Variants in DMD observed in about 807,000 individuals in gnomAD.
DMD encodes the protein dystrophin, also known as mutant dystrophin.
Under a neutral mutation model 330.1 loss-of-function variants are expected in DMD, and 63 were observed. That is an observed-to-expected ratio of 0.19 (90% CI 0.16 to 0.24). The LOEUF is 0.24. DMD is among the 10% of genes least tolerant of loss of function. The pLI is 1.00. For missense variants in DMD, 3,344 were observed against 2,684.1 expected (o/e 1.25, Z -5.43); for synonymous variants, 1,223 against 959.8 (o/e 1.27, Z -5.07).
At chrX:31,981,634 G>A (rs1326052221) in intron 44 of DMD, among the ~76,000 whole-genome samples, 4 of 111,595 alleles carry the variant, frequency 3.6e-5, no homozygotes, top group Non-Finnish European at 7.5e-5. Context: ...GGGGCAGAAG[G>A]GAGAAGGTTA....
intron 57 of DMD, among the ~76,000 whole-genome samples, chrX:31,483,730 T>C (rs1046866371): frequency 8.9e-6 from 1 of 112,357 alleles, no homozygotes; most frequent in African/African-American, 3.2e-5. Context: ...AAGATTCAGA[T>C]TAAATACAAA....
At chrX:31,592,735 T>G (rs1469933584) in intron 55 of DMD, among the ~76,000 whole-genome samples, 3 of 110,749 alleles carry the variant, frequency 2.7e-5, no homozygotes, top group Non-Finnish European at 5.7e-5. Context: ...CTCATTACTA[T>G]ATGTTGACCC....
At chrX:33,238,726 T>C (rs2052530805) in intron 1 of DMD, among the ~76,000 whole-genome samples, 1 of 111,639 alleles carries the variant, frequency 9.0e-6, no homozygotes, top group Admixed American at 9.5e-5. Context: ...GATTTTAAAG[T>C]CCTGTGACGT....
At chrX:33,214,115 C>T (rs1214830387), upstream of DMD, among the ~76,000 whole-genome samples, 1 of 106,588 alleles carries the variant, frequency 9.4e-6, no homozygotes, top group Non-Finnish European at 1.9e-5. Context: ...AGCTTATTTC[C>T]TTTTATTGCT....
chrX:32,732,407 G>A (rs1016419584), intron 7 of DMD, among the ~76,000 whole-genome samples: 1 of 110,475 alleles, frequency 9.1e-6, no homozygotes, highest in Admixed American at 9.7e-5. Flanking sequence ...AGGAAATACA[G>A]AGAATGCCAC....
chrX:31,367,049 C>G (rs1205881930), intron 60 of DMD, among the ~76,000 whole-genome samples: 3 of 111,237 alleles, frequency 2.7e-5, no homozygotes, highest in African/African-American at 9.8e-5. Flanking sequence ...TTACTAGAAT[C>G]CAATCCCAAA....
chrX:32,242,877 T>A (rs1007133802), intron 43 of DMD, among the ~76,000 whole-genome samples: 1 of 108,762 alleles, frequency 9.2e-6, no homozygotes, highest in African/African-American at 3.3e-5. Context: ...TATTGTTAGT[T>A]TTTTTGTGGT....
chrX:31,680,714 T>G (rs1205426817), intron 52 of DMD, among the ~76,000 whole-genome samples: 2 of 111,108 alleles, frequency 1.8e-5, no homozygotes, highest in Non-Finnish European at 3.8e-5. Context: ...TCACGCTGGG[T>G]GCATTTTGTA....
In DMD at chrX:32,484,993, T is replaced by A. The variant is rs1469818959; in HGVS notation, c.2729A>T (p.Asp910Val). 9.9e-6 allele frequency: 12 copies of A among 1,209,960 alleles called. No homozygotes were observed. In the East Asian group the frequency reaches 3.0e-4, roughly 30 times the overall value. ...KGQGPMFLDA[D>V]FVAFTNHFKQ... ...AAAATGATTTGTAAAGGCCACAAAGTCTGCATCCAGGAACATGGGTCCTTG... is the reference window on the plus strand; with the variant it reads ...AAAATGATTTGTAAAGGCCACAAAGACTGCATCCAGGAACATGGGTCCTTG... Residue 910 changes from aspartate to valine, a missense_variant, in exon 21 of 79, where the codon GAC (aspartate) becomes GTC (valine). Transcript: ENST00000357033.
At chrX:33,015,510 C>T (rs944177702) in intron 2 of DMD, among the ~76,000 whole-genome samples, 4 of 110,099 alleles carry the variant, frequency 3.6e-5, no homozygotes, top group Non-Finnish European at 1.9e-5. Flanking sequence ...TGGAGCTTAT[C>T]GGAAGGTGGA....
chrX:31,218,642 T>C (rs1454464804), intron 64 of DMD, among the ~76,000 whole-genome samples: 1 of 111,902 alleles, frequency 8.9e-6, no homozygotes, highest in Non-Finnish European at 1.9e-5. Flanking sequence ...CCATGCTGTG[T>C]GCCAGGTTTT....
chrX:31,641,996 G>A (rs940212505), intron 54 of DMD, among the ~76,000 whole-genome samples: 6 of 111,554 alleles, frequency 5.4e-5, no homozygotes, highest in African/African-American at 1.9e-4. Flanking sequence ...AGTACTATGA[G>A]CAACACTTCT....
At chrX:31,578,464 G>T (rs779084942) in intron 55 of DMD, among the ~76,000 whole-genome samples, 1 of 111,987 alleles carries the variant, frequency 8.9e-6, no homozygotes, top group South Asian at 3.7e-4. Context: ...AAGAGTTTAG[G>T]AGTATCCAAA....
At chrX:33,109,304 C>CAA (rs2095321095) in intron 1 of DMD, among the ~76,000 whole-genome samples, 1 of 111,668 alleles carries the variant, frequency 9.0e-6, no homozygotes, top group Admixed American at 9.6e-5. Flanking sequence ...AAGATGTGAA[C>CAA]CTTCTTGCTC....
At chrX:32,539,636 TA>T (rs1457845380) in intron 17 of DMD, among the ~76,000 whole-genome samples, 2 of 111,874 alleles carry the variant, frequency 1.8e-5, no homozygotes, top group Admixed American at 1.9e-4. Flanking sequence ...AATCAATATC[TA>T]AAACAAAAAT....
chrX:31,385,641 A>G (rs778623704), intron 60 of DMD, among the ~76,000 whole-genome samples: 44 of 112,528 alleles, frequency 3.9e-4, no homozygotes, highest in African/African-American at 1.4e-3. Context: ...ATATTAAGAG[A>G]TGATGTTCAG....
At chrX:32,930,375 A>G (rs184853801) in intron 2 of DMD, among the ~76,000 whole-genome samples, 130 of 110,507 alleles carry the variant, frequency 1.2e-3, no homozygotes, top group African/African-American at 3.6e-3. Flanking sequence ...TAATAAAAAT[A>G]TATGATACGG....
chrX:32,607,958 C>T (rs1161857068), intron 12 of DMD, among the ~76,000 whole-genome samples: 1 of 109,303 alleles, frequency 9.1e-6, no homozygotes, highest in East Asian at 2.9e-4. Context: ...AGGTCAGTGT[C>T]TTCTCATGAG....
At chrX:32,894,796 G>T (rs1016983363) in intron 2 of DMD, among the ~76,000 whole-genome samples, 2 of 112,205 alleles carry the variant, frequency 1.8e-5, no homozygotes, top group Non-Finnish European at 3.8e-5. Flanking sequence ...TATCTTACTG[G>T]TTATGTTGTT....
Sources: allele counts gnomAD v4.1 joint callset (sites outside exome capture counted in the v4.1 genomes callset), GRCh38; gene constraint gnomAD v4.1.1; transcripts MANE v1.5; gene names NCBI Gene and HGNC (gene_info 2026-07-23, HGNC 2026-07-21).